ZFPM2: variants seen among roughly 807,000 people sequenced by gnomAD.
ZFPM2 encodes the protein zinc finger protein ZFPM2.
ZFPM2 carries 20 observed loss-of-function variants against 98.6 expected under a neutral mutation model. The ratio of observed to expected loss-of-function variants is 0.20; its 90% CI spans 0.14 to 0.29. The LOEUF is 0.29. Ranked by LOEUF, ZFPM2 falls within the 10% of genes least tolerant of loss-of-function variation. The probability of loss-of-function intolerance (pLI) is 1.00; values close to 1 mark genes in which losing one functional copy is unlikely to be tolerated. For synonymous variants in ZFPM2, 518 were observed against 502.7 expected (o/e 1.03, Z -0.41); for missense variants, 1,310 against 1,388.6 (o/e 0.94, Z 0.90).
At chr8:105,629,350 C>T (rs547129656) in intron 4 of ZFPM2, among the ~76,000 whole-genome samples, 1 of 152,204 alleles carries the variant, frequency 6.6e-6, no homozygotes, top group Non-Finnish European at 1.5e-5. Context: ...TGATCAATGA[C>T]TGTGGAATAA....
At chr8:105,410,311 T>C (rs1669154487) in intron 1 of ZFPM2, among the ~76,000 whole-genome samples, 1 of 151,922 alleles carries the variant, frequency 6.6e-6, no homozygotes, top group Non-Finnish European at 1.5e-5. Flanking sequence ...AAGAAACGTA[T>C]GCTGAATGTT....
At chr8:105,623,927 A>C (rs953441882) in intron 4 of ZFPM2, among the ~76,000 whole-genome samples, 2 of 152,206 alleles carry the variant, frequency 1.3e-5, no homozygotes, top group African/African-American at 4.8e-5. Flanking sequence ...TGGCCAATGC[A>C]AATAGTAAAG....
At chr8:105,427,557 T>C (rs1312069104) in intron 2 of ZFPM2, among the ~76,000 whole-genome samples, 1 of 152,296 alleles carries the variant, frequency 6.6e-6, no homozygotes, top group Non-Finnish European at 1.5e-5. Flanking sequence ...TTCACAATGT[T>C]TTCATTATCA....
chr8:105,741,830 G>A (rs537335424), intron 5 of ZFPM2, among the ~76,000 whole-genome samples: 1 of 152,130 alleles, frequency 6.6e-6, no homozygotes, highest in Admixed American at 6.6e-5. Flanking sequence ...ATACAAAGTA[G>A]GCACGAAGTT....
At chr8:105,584,374 T>C (rs1393785870) in intron 4 of ZFPM2, among the ~76,000 whole-genome samples, 2 of 152,062 alleles carry the variant, frequency 1.3e-5, no homozygotes, top group African/African-American at 4.8e-5. Context: ...GAAAAAAATA[T>C]TTAAAGAAAA....
At chr8:105,527,460 T>C (rs71522739) in intron 3 of ZFPM2, among the ~76,000 whole-genome samples, 5,197 of 152,272 alleles carry the variant, frequency 0.034, 128 homozygotes, top group East Asian at 0.066. Flanking sequence ...TGTATGGATA[T>C]AGAGAAAAGA....
intron 1 of ZFPM2, among the ~76,000 whole-genome samples, chr8:105,349,072 C>A (rs531203443): frequency 1.3e-5 from 2 of 152,100 alleles, no homozygotes; most frequent in Non-Finnish European, 2.9e-5. Flanking sequence ...GCCCAAGGAG[C>A]CTGGGTTTAA....
chr8:105,584,096 C>CT (rs957468562), intron 4 of ZFPM2, among the ~76,000 whole-genome samples: 3 of 151,296 alleles, frequency 2.0e-5, no homozygotes, highest in African/African-American at 7.3e-5. Context: ...ATATTTTAGT[C>CT]TTTTTTTTGG....
At chr8:105,472,691 T>C (rs1466563298) in intron 3 of ZFPM2, among the ~76,000 whole-genome samples, 3 of 151,702 alleles carry the variant, frequency 2.0e-5, no homozygotes, top group Non-Finnish European at 4.4e-5. Flanking sequence ...GTATTTTTTA[T>C]TAGAGACGGG....
At chr8:105,780,069 T>C (rs113509348) in intron 5 of ZFPM2, among the ~76,000 whole-genome samples, 1,695 of 152,324 alleles carry the variant, frequency 0.011, 28 homozygotes, top group African/African-American at 0.038. Context: ...TTTTCAAGAA[T>C]GTCAAGGTCT....
At chr8:105,520,548 A>G (rs1814030510) in intron 3 of ZFPM2, among the ~76,000 whole-genome samples, 2 of 152,250 alleles carry the variant, frequency 1.3e-5, no homozygotes, top group Admixed American at 1.3e-4. Context: ...TCACACACAT[A>G]TTTATATATG....
intron 1 of ZFPM2, among the ~76,000 whole-genome samples, chr8:105,376,087 CCTCAGCA>C (rs1810719603): frequency 6.6e-6 from 1 of 152,066 alleles, no homozygotes; most frequent in African/African-American, 2.4e-5. Context: ...CCCTGAGATT[CCTCAGCA>C]CTCCCCTAAC....
At chr8:105,783,567 G>A (rs1417642094) in intron 5 of ZFPM2, among the ~76,000 whole-genome samples, 2 of 151,914 alleles carry the variant, frequency 1.3e-5, no homozygotes, top group African/African-American at 4.8e-5. Flanking sequence ...CCAGCCCCTG[G>A]CAACCACCAT....
Position 105,803,362 on chromosome 8 carries a change from A to G in ZFPM2, c.3280A>G (p.Ile1094Val), listed in dbSNP as rs1245776066. 4 of 1,611,842 alleles carry G rather than the reference A, an allele frequency of 2.5e-6. No individual in the cohort carries two copies. In the Admixed American group the frequency reaches 5.0e-5, roughly 20 times the overall value. The stretch of plus-strand genomic sequence containing the variant: ...TGCCAATGAGAATGTCTCACCAGGA[A>G]TTCCCTCAGCAGAGGAACAGTTGTC... ...LAANENVSPG[I>V]PSAEEQLSSI... is the part of the protein sequence containing the mutation. Residue 1094 changes from isoleucine to valine, a missense_variant, in exon 8 of 8, where the codon ATT (isoleucine) becomes GTT (valine). Physicochemically the swap from Ile to Val is conservative, Grantham distance 29. Transcript: ENST00000407775.
chr8:105,753,059 C>T (rs952876556), intron 5 of ZFPM2, among the ~76,000 whole-genome samples: 1 of 152,086 alleles, frequency 6.6e-6, no homozygotes, highest in African/African-American at 2.4e-5. Context: ...TGAGCAGGAT[C>T]AACGTGAGAG....
intron 3 of ZFPM2, among the ~76,000 whole-genome samples, chr8:105,534,081 A>T (rs1330514901): frequency 7.7e-3 from 35 of 4,520 alleles, no homozygotes; most frequent in East Asian, 0.012. Context: ...CCTCCCTCCC[A>T]TCTTCCTCCC....
intron 1 of ZFPM2, among the ~76,000 whole-genome samples, chr8:105,345,090 T>C (rs1812493968): frequency 6.6e-6 from 1 of 152,108 alleles, no homozygotes; most frequent in African/African-American, 2.4e-5. Context: ...AGACAAGTAA[T>C]GTATATATGA....
At chr8:105,454,154 C>T (rs1812541821) in intron 3 of ZFPM2, among the ~76,000 whole-genome samples, 1 of 151,906 alleles carries the variant, frequency 6.6e-6, no homozygotes, top group African/African-American at 2.4e-5. Context: ...GAATGGAGAG[C>T]AGTCTCTCTC....
chr8:105,331,206 TATATA>T (rs1812228020), intron 1 of ZFPM2, among the ~76,000 whole-genome samples: 1 of 150,718 alleles, frequency 6.6e-6, no homozygotes, highest in Non-Finnish European at 1.5e-5. Flanking sequence ...TACACCCAGT[TATATA>T]ATAAATAATT....
Sources: allele counts gnomAD v4.1 joint callset (sites outside exome capture counted in the v4.1 genomes callset), GRCh38; gene constraint gnomAD v4.1.1; transcripts MANE v1.5; gene names NCBI Gene and HGNC (gene_info 2026-07-23, HGNC 2026-07-21).